The following ENOPH1 variants were observed in gnomAD, a reference collection of about 807,000 sequenced individuals.
The protein encoded by ENOPH1 is enolase-phosphatase E1.
A neutral mutation model predicts 31.1 loss-of-function variants in ENOPH1; 14 were observed. The ratio of observed to expected loss-of-function variants is 0.45; its 90% CI spans 0.30 to 0.70. ENOPH1 has a LOEUF of 0.70. ENOPH1 is among the 30% of genes least tolerant of loss of function. The probability of loss-of-function intolerance (pLI) is 0.09; values close to 1 mark genes in which losing one functional copy is unlikely to be tolerated. For synonymous variants in ENOPH1, 127 were observed against 123.2 expected, an observed-to-expected ratio of 1.03 and a Z score of -0.21; for missense variants, 243 against 321.5, an observed-to-expected ratio of 0.76 and a Z score of 1.87.
chr4:82,437,535 A>G (rs540213809), intron 1 of ENOPH1, among the ~76,000 whole-genome samples: 1 of 152,138 alleles, frequency 6.6e-6, no homozygotes, highest in African/African-American at 2.4e-5. Flanking sequence ...GGTCCCATGC[A>G]CTCATTAACT....
At position 82,430,735 on chromosome 4, in the gene ENOPH1, G is replaced by A; in HGVS notation, c.-95G>A. The A allele has an allele frequency of 2.5e-6, 3 of 1,204,060 alleles. No homozygotes were observed. The highest frequency in any genetic ancestry group is 3.6e-6 in the Non-Finnish European group (3 of 829,194). The allele number at this position is 1,204,060 out of a possible 1,614,324, so 74.6% of individuals were successfully genotyped here. A position where few individuals can be genotyped will look rare whatever the true frequency, so the allele number is the denominator to read the frequency against. On this transcript the variant is annotated 5_prime_UTR_variant, in exon 1 of 6. Coordinates refer to ENST00000273920, the MANE Select transcript of ENOPH1 (RefSeq NM_021204.5). ...GCTCCGAGATCGCGCGGGGCCGCCG[G>A]AAGCCCAAGACGGTACCGGGGGCCG... is the stretch of plus-strand genomic sequence containing the variant.
chr4:82,453,370 G>A (rs1346664426), intron 3 of ENOPH1, among the ~76,000 whole-genome samples: 1 of 152,180 alleles, frequency 6.6e-6, no homozygotes, highest in African/African-American at 2.4e-5. Flanking sequence ...GGAATTTCAG[G>A]ATATGCCAGT....
At chr4:82,439,025 AT>A (rs1721976755) in intron 1 of ENOPH1, among the ~76,000 whole-genome samples, 1 of 152,252 alleles carries the variant, frequency 6.6e-6, no homozygotes, top group African/African-American at 2.4e-5. Context: ...TATTGCACCC[AT>A]TTTCCCATCA....
chr4:82,449,459 T>A (rs1266875218), intron 2 of ENOPH1, among the ~76,000 whole-genome samples: 1 of 152,072 alleles, frequency 6.6e-6, no homozygotes, highest in African/African-American at 2.4e-5. Flanking sequence ...AAGCTTCTAA[T>A]CATGATGGAA....
rs1560469089 is a variant in ENOPH1, at chr4:82,457,041, G to A, written c.646+3G>A. The stretch of plus-strand genomic sequence containing the variant: ...GTTTCTGACAGATGTTACTCGAGGT[G>A]AGTAATAGACTTCTTATATTATATA... On this transcript the variant is annotated splice_donor_region_variant and intron_variant, in intron 5 of 5. Coordinates refer to ENST00000273920, the MANE Select transcript of ENOPH1 (RefSeq NM_021204.5). 4 of 1,613,678 alleles carry A rather than the reference G, an allele frequency of 2.5e-6. No homozygotes were observed. The highest frequency in any genetic ancestry group is 2.5e-6 in the Non-Finnish European group (3 of 1,179,798).
At chr4:82,431,306 G>T (rs1273834749) in intron 1 of ENOPH1, among the ~76,000 whole-genome samples, 1 of 152,196 alleles carries the variant, frequency 6.6e-6, no homozygotes, top group Non-Finnish European at 1.5e-5. Flanking sequence ...CAGCGGCAGC[G>T]ATTTAATGGT....
rs1722612268 is a variant in ENOPH1 at position 82,460,255 on chromosome 4, G to A, written c.*135G>A. The A allele has an allele frequency of 2.5e-6, 2 of 815,016 alleles. No homozygotes were observed. The highest frequency in any genetic ancestry group is 3.8e-6 in the Non-Finnish European group (2 of 530,752). 50.5% of individuals were successfully genotyped at this position (815,016 alleles called of 1,614,324 possible). A position where few individuals can be genotyped will look rare whatever the true frequency, so the allele number is the denominator to read the frequency against. On this transcript the variant is annotated 3_prime_UTR_variant, in exon 6 of 6. Coordinates refer to ENST00000273920, the MANE Select transcript of ENOPH1 (RefSeq NM_021204.5). ...TATGCAAGTATGTATATATGTGTAT[G>A]CTCAGATTAACTTCCATAGGTACAT...
At chr4:82,433,517 T>C (rs1188316409) in intron 1 of ENOPH1, among the ~76,000 whole-genome samples, 1 of 152,226 alleles carries the variant, frequency 6.6e-6, no homozygotes, top group Non-Finnish European at 1.5e-5. Flanking sequence ...TAATCTATTA[T>C]AATCTAATCT....
intron 1 of ENOPH1, among the ~76,000 whole-genome samples, chr4:82,441,473 T>C (rs1722037798): frequency 6.6e-6 from 1 of 151,830 alleles, no homozygotes; most frequent in South Asian, 2.1e-4. Flanking sequence ...ATACAAAAAA[T>C]TGGCCGGGTG....
intron 5 of ENOPH1, among the ~76,000 whole-genome samples, chr4:82,458,801 A>G (rs1258826818): frequency 6.6e-6 from 1 of 152,196 alleles, no homozygotes; most frequent in Non-Finnish European, 1.5e-5. Context: ...CTCCAATGGC[A>G]TCTGCAGAGG....
intron 2 of ENOPH1, among the ~76,000 whole-genome samples, chr4:82,448,851 G>T (rs1326326031): frequency 2.6e-5 from 4 of 151,160 alleles, no homozygotes; most frequent in Non-Finnish European, 5.9e-5. Flanking sequence ...GAGGTCAGGA[G>T]ATCGAGACCA....
At chr4:82,459,651 G>C (rs1722588116) in intron 5 of ENOPH1, among the ~76,000 whole-genome samples, 1 of 152,140 alleles carries the variant, frequency 6.6e-6, no homozygotes, top group Non-Finnish European at 1.5e-5. Context: ...ATGGGAGGAA[G>C]TGGAGGAAAG....
At chr4:82,437,693 A>C (rs1293662741) in intron 1 of ENOPH1, among the ~76,000 whole-genome samples, 1 of 152,170 alleles carries the variant, frequency 6.6e-6, no homozygotes, top group Admixed American at 6.5e-5. Flanking sequence ...AGTATTTGCT[A>C]CTGGAGCCAA....
chr4:82,448,926 C>T (rs1422455741), intron 2 of ENOPH1, among the ~76,000 whole-genome samples: 3 of 151,290 alleles, frequency 2.0e-5, no homozygotes, highest in African/African-American at 7.3e-5. Context: ...GGCGTAGTGG[C>T]CGGCGCCTGT....
intron 2 of ENOPH1, 105 bp from the exon 3 acceptor site, chr4:82,450,938 G>T: frequency 1.2e-6 from 1 of 825,948 alleles, no homozygotes; most frequent in Non-Finnish European, 2.0e-6. Flanking sequence ...GCCATACTAG[G>T]GCTAATGATG....
intron 4 of ENOPH1, among the ~76,000 whole-genome samples, chr4:82,455,598 G>A (rs999150377): frequency 1.3e-5 from 2 of 149,448 alleles, no homozygotes; most frequent in Non-Finnish European, 3.0e-5. Context: ...GGCTAACATG[G>A]TGAAACCCCG....
At chr4:82,431,065 C>A in intron 1 of ENOPH1, 152 bp downstream of exon 1, 1 of 683,582 alleles carries the variant, frequency 1.5e-6, no homozygotes. Context: ...AGAAAGCCTG[C>A]GGTGGGTTGC....
intron 1 of ENOPH1, among the ~76,000 whole-genome samples, chr4:82,438,394 C>G: frequency 6.6e-6 from 1 of 152,176 alleles, no homozygotes; most frequent in East Asian, 1.9e-4. Flanking sequence ...TGGCTCACAC[C>G]TGTAATCCCA....
intron 2 of ENOPH1, among the ~76,000 whole-genome samples, chr4:82,448,751 G>A (rs894975338): frequency 8.6e-5 from 13 of 151,534 alleles, no homozygotes; most frequent in South Asian, 2.1e-4. Flanking sequence ...GTGAAACGCT[G>A]CCTCTACTAA....
Sources: gnomAD v4.1 joint callset for allele counts (sites outside exome capture counted in the v4.1 genomes callset) on GRCh38, gnomAD v4.1.1 for gene constraint, MANE v1.5 for transcripts, NCBI Gene and HGNC (gene_info 2026-07-23, HGNC 2026-07-21) for gene names.